The following ZNF841 variants were observed in gnomAD, a reference collection of about 807,000 sequenced individuals.
The protein encoded by ZNF841 is TCONS_00006091.
Under a neutral mutation model 13.0 loss-of-function variants are expected in ZNF841, and 11 were observed. The ratio of observed to expected loss-of-function variants is 0.85; its 90% CI spans 0.53 to 1.40. The LOEUF (loss-of-function observed/expected upper bound fraction) is 1.40. Ranked by LOEUF, ZNF841 falls within the 40% of genes most tolerant of loss-of-function variation. The pLI is 0.00. For missense variants in ZNF841, 1,068 were observed against 1,139.5 expected (o/e 0.94, Z 0.90); for synonymous variants, 369 against 381.6 (o/e 0.97, Z 0.38).
chr19:52,080,823 A>G (rs1312980873), intron 4 of ZNF841, among the ~76,000 whole-genome samples: 2 of 152,240 alleles, frequency 1.3e-5, no homozygotes, highest in African/African-American at 2.4e-5. Flanking sequence ...AAGGTGTGGA[A>G]GGTCTCCACA....
intron 3 of ZNF841, among the ~76,000 whole-genome samples, chr19:52,086,378 C>A (rs893250384): frequency 2.0e-5 from 3 of 152,096 alleles, no homozygotes. Context: ...AGCGCCTCCC[C>A]CCTCACTCTC....
chr19:52,093,736 T>A (rs1488009435), intron 2 of ZNF841, 110 bp downstream of exon 2: 3 of 152,158 alleles, frequency 2.0e-5, no homozygotes, highest in Non-Finnish European at 4.4e-5. Flanking sequence ...TTGAATAAAA[T>A]GTATCTCAAG....
chr19:52,086,159 G>C (rs773058492), intron 3 of ZNF841, among the ~76,000 whole-genome samples: 4 of 152,172 alleles, frequency 2.6e-5, no homozygotes, highest in African/African-American at 4.8e-5. Context: ...ACATGGAGAC[G>C]TGTAGGTGGG....
chr19:52,083,780 C>G (rs2088177270), intron 4 of ZNF841, among the ~76,000 whole-genome samples: 1 of 149,352 alleles, frequency 6.7e-6, no homozygotes, highest in Non-Finnish European at 1.5e-5. Flanking sequence ...AAACTCACGA[C>G]AGTTTAACAA....
intron 4 of ZNF841, 76 bp from the exon 5 acceptor site, chr19:52,077,160 C>T (rs766926804): frequency 8.3e-6 from 12 of 1,452,258 alleles, no homozygotes; most frequent in Non-Finnish European, 1.1e-5. Flanking sequence ...GAGGAGAGAA[C>T]TGTCACATCA....
chr19:52,074,841 A>C (rs545180004), intron 6 of ZNF841, among the ~76,000 whole-genome samples: 2 of 152,186 alleles, frequency 1.3e-5, no homozygotes, highest in East Asian at 3.9e-4. Flanking sequence ...TACACCATTC[A>C]CTGCTAGCTC....
At chr19:52,077,298 A>T (rs577505356) in intron 4 of ZNF841, among the ~76,000 whole-genome samples, 1 of 152,332 alleles carries the variant, frequency 6.6e-6, no homozygotes, top group East Asian at 1.9e-4. Flanking sequence ...CACATTTCTC[A>T]CTTTTGTGGA....
chr19:52,075,672 A>C (rs1272723849), intron 6 of ZNF841, among the ~76,000 whole-genome samples: 1 of 152,206 alleles, frequency 6.6e-6, no homozygotes, highest in Non-Finnish European at 1.5e-5. Context: ...CCTCAGCTCC[A>C]ATCTATATGG....
rs1267454717 is a variant in ZNF841, at chr19:52,065,740, A to G, written c.2142T>C (p.Cys714=). 6.2e-7 allele frequency: 1 copy of G among 1,606,908 alleles called. No individual in the cohort carries two copies. Among genetic ancestry groups the G allele is most frequent in the South Asian group, 1.1e-5 (1 of 90,448 alleles). ...TGEKPHKCSE[C]GRTFSHKTSL... ...TTGTTTTATGACTAAAAGTTCTACCACATTCACTACATTTGTGTGGTTTCT... is the reference window on the plus strand; with the variant it reads ...TTGTTTTATGACTAAAAGTTCTACCGCATTCACTACATTTGTGTGGTTTCT... Residue 714 remains cysteine, a synonymous_variant, in exon 7 of 7, where the codon TGT becomes TGC. Coordinates refer to ENST00000594440, the MANE Select transcript of ZNF841 (RefSeq NM_001136499.2).
At position 52,066,520 on chromosome 19, in the gene ZNF841, C is replaced by T; in HGVS notation, c.1362G>A (p.Glu454=). The change falls in exon 7 of 7, where the codon GAG becomes GAA. Residue 454 remains glutamate, a synonymous_variant. Coordinates refer to ENST00000594440, the MANE Select transcript of ZNF841 (RefSeq NM_001136499.2). ...CACATTCATTACATTTGTAAGGTGT[C>T]TCTCCAGTATGAATTATCTGGTGCC... ...LVRHQIIHTG[E]TPYKCNECGK... 6.2e-7 allele frequency: 1 copy of T among 1,613,646 alleles called. No homozygotes were observed. Among genetic ancestry groups the T allele is most frequent in the South Asian group, 1.1e-5 (1 of 91,048 alleles).
intron 4 of ZNF841, among the ~76,000 whole-genome samples, chr19:52,081,131 C>T (rs747854577): frequency 1.5e-4 from 23 of 152,118 alleles, no homozygotes; most frequent in Non-Finnish European, 2.9e-4. Flanking sequence ...ATACTGAAGT[C>T]CCTTATATAA....
intron 2 of ZNF841, among the ~76,000 whole-genome samples, chr19:52,090,170 T>C (rs8113376): frequency 0.44 from 66,928 of 152,000 alleles, 16,055 homozygotes; most frequent in South Asian, 0.62. Context: ...AAAACAGTCC[T>C]ATTTGTAATA....
intron 2 of ZNF841, among the ~76,000 whole-genome samples, chr19:52,089,947 C>G (rs995609244): frequency 6.6e-6 from 1 of 152,050 alleles, no homozygotes; most frequent in Non-Finnish European, 1.5e-5. Context: ...CAGGAGTGTA[C>G]ACAAACTGCA....
chr19:52,084,559 G>T (rs1313527924), intron 4 of ZNF841, among the ~76,000 whole-genome samples: 1 of 152,130 alleles, frequency 6.6e-6, no homozygotes, highest in Non-Finnish European at 1.5e-5. Flanking sequence ...CTGGGTGTGA[G>T]CCCTTCCCAG....
Position 52,065,570 on chromosome 19 carries a change from C to G in ZNF841, c.2312G>C (p.Gly771Ala). The change falls in exon 7 of 7, where the codon GGC (glycine) becomes GCC (alanine). Residue 771 changes from glycine (G) to alanine (A), a missense_variant. Coordinates refer to ENST00000594440, the MANE Select transcript of ZNF841 (RefSeq NM_001136499.2). ...GCCTGAGCGATAACGGAAGACCTTG[C>G]CACATTCATTACATTTGTAAGGTTT... Reference protein sequence around the residue: ...GEKPYKCNECGKVFRYRSGLA... With the variant: ...GEKPYKCNECAKVFRYRSGLA... The G allele has an allele frequency of 6.2e-7, 1 of 1,613,974 alleles. No homozygotes were observed. Among genetic ancestry groups the G allele is most frequent in the Non-Finnish European group, 8.5e-7 (1 of 1,179,916 alleles).
intron 6 of ZNF841, among the ~76,000 whole-genome samples, 190 bp downstream of exon 6, chr19:52,075,854 T>C (rs2087881762): frequency 6.6e-6 from 1 of 152,242 alleles, no homozygotes. Flanking sequence ...CTGTTTGAGC[T>C]GCAGCAACCC....
chr19:52,068,613 T>C (rs1375547184), intron 6 of ZNF841, among the ~76,000 whole-genome samples: 1 of 150,278 alleles, frequency 6.7e-6, no homozygotes, highest in African/African-American at 2.5e-5. Flanking sequence ...GAGGCGGAGG[T>C]TGCAGTGAGC....
In ZNF841 at chr19:52,084,908, T is replaced by C. The variant is rs141979833; in HGVS notation, c.-77-30A>G. On this transcript the variant is annotated intron_variant, in intron 3 of 6. Coordinates refer to ENST00000594440, the MANE Select transcript of ZNF841 (RefSeq NM_001136499.2). ...AAGTCAAAAATATGTTGTTTAATCC[T>C]TGGAAACAACACATTCCTTTCTGTG... The C allele has an allele frequency of 2.9e-5, 36 of 1,247,172 alleles. No homozygotes were observed. In the African/African-American group the frequency reaches 4.2e-4, roughly 15 times the overall value. 77.3% of individuals were successfully genotyped at this position (1,247,172 alleles called of 1,614,324 possible). A position where few individuals can be genotyped will look rare whatever the true frequency, so the allele number is the denominator to read the frequency against.
At chr19:52,061,274 T>C (rs146908762), downstream of ZNF841, among the ~76,000 whole-genome samples, 248 of 152,312 alleles carry the variant, frequency 1.6e-3, no homozygotes, top group African/African-American at 5.7e-3. Context: ...ACTCTAAAGA[T>C]AAAATGTAAA....
Sources: allele counts gnomAD v4.1 joint callset (sites outside exome capture counted in the v4.1 genomes callset), GRCh38; gene constraint gnomAD v4.1.1; transcripts MANE v1.5; gene names NCBI Gene and HGNC (gene_info 2026-07-23, HGNC 2026-07-21).